The following SNX25 variants were observed in gnomAD, a reference collection of about 807,000 sequenced individuals.
SNX25 encodes sorting nexin 25.
In SNX25, 62 loss-of-function variants were observed where a neutral mutation model predicts 113.7. That is an observed-to-expected ratio of 0.55 (90% CI 0.44 to 0.67). The LOEUF is 0.67. Ranked by LOEUF, SNX25 falls within the 30% of genes least tolerant of loss-of-function variation. SNX25 has a pLI of 0.00. For synonymous variants in SNX25, 421 were observed against 436.2 expected (o/e 0.97, Z 0.43); for missense variants, 1,014 against 1,161.0 (o/e 0.87, Z 1.84).
rs947331420 is a variant in SNX25 at position 185,310,556 on chromosome 4, A to G, written c.1163-79A>G. ...ACTTGGTTCAGAATGCCCACAGCAG[A>G]CACTGATCTGGTTCTGAATTGCTGT... On this transcript the variant is annotated intron_variant, in intron 6 of 18. Transcript: ENST00000652585. The G allele has an allele frequency of 5.2e-6, 7 of 1,335,644 alleles. No individual in the cohort carries two copies. The Admixed American group carries it at 6.7e-5, about 13-fold the overall frequency. 82.7% of individuals were successfully genotyped at this position (1,335,644 alleles called of 1,614,324 possible).
chr4:185,369,367 A>G (rs2095406755), intron 11 of SNX25, among the ~76,000 whole-genome samples: 1 of 140,236 alleles, frequency 7.1e-6, no homozygotes, highest in Non-Finnish European at 1.5e-5. Flanking sequence ...ACAGGCACAC[A>G]TTGCCATGCC....
intron 17 of SNX25, chr4:185,362,323 T>G (rs2095368763): frequency 2.0e-6 from 2 of 985,288 alleles, no homozygotes; most frequent in African/African-American, 3.5e-5. Flanking sequence ...ACTTTGTGTT[T>G]TGGAAATCCT....
rs532542519 is a variant in SNX25 at position 185,214,230 on chromosome 4, A to G, written c.429+3975A>G. Reference sequence around the variant, plus strand: ...TTAAAAAATAAATAGGCAGTTGCCAATGAGGATTGGAGGGCTGATACAAGA... The same window carrying G: ...TTAAAAAATAAATAGGCAGTTGCCAGTGAGGATTGGAGGGCTGATACAAGA... On this transcript the variant is annotated intron_variant, in intron 1 of 18. Transcript: ENST00000652585. Among the ~76,000 whole-genome samples, 273 of 152,144 alleles carry G rather than the reference A, an allele frequency of 1.8e-3. 3 individuals carry two copies. Among genetic ancestry groups the G allele is most frequent in the Admixed American group, 2.8e-3 (43 of 15,272 alleles).
chr4:185,274,987 G>A (rs1436172103), intron 5 of SNX25, among the ~76,000 whole-genome samples: 2 of 152,106 alleles, frequency 1.3e-5, no homozygotes, highest in South Asian at 2.1e-4. Context: ...TAACTTTTGG[G>A]GGTTTTCTTC....
chr4:185,275,167 AT>A (rs2126572729), intron 5 of SNX25, among the ~76,000 whole-genome samples: 1 of 152,268 alleles, frequency 6.6e-6, no homozygotes, highest in Non-Finnish European at 1.5e-5. Context: ...TACTGCCATA[AT>A]TTTATTTACC....
At chr4:185,208,350 G>C (rs960670666), upstream of SNX25, among the ~76,000 whole-genome samples, 6 of 152,118 alleles carry the variant, frequency 3.9e-5, no homozygotes, top group Non-Finnish European at 8.8e-5. Context: ...AAGGAAACTG[G>C]TAACTTATTT....
intron 6 of SNX25, among the ~76,000 whole-genome samples, chr4:185,301,026 A>T (rs1753605450): frequency 6.6e-6 from 1 of 152,118 alleles, no homozygotes; most frequent in African/African-American, 2.4e-5. Context: ...CACCTGCCCA[A>T]GGCAGGACTG....
rs572480487 is a variant in SNX25, at chr4:185,210,435, GCGGGCTCCGGGCTC to G, written c.429+190_429+203del. The stretch of plus-strand genomic sequence containing the variant: ...GAGCGTTCCCCGGCGCCCGCGCGCG[GCGGGCTCCGGGCTC>G]CGGGCTCCGCGCTCCGCGGTGCTGG... On this transcript the variant is annotated intron_variant, in intron 1 of 18. Coordinates refer to ENST00000652585, the MANE Select transcript of SNX25 (RefSeq NM_001378034.2). This position sits in a 1 kb window ranked among gnomAD's most constrained non-coding sequence, Gnocchi z 4.4. 7.3e-6 allele frequency among the ~76,000 whole-genome samples: 1 copy of G among 137,808 alleles called. No individual in the cohort carries two copies. Among genetic ancestry groups the G allele is most frequent in the East Asian group, 2.0e-4 (1 of 5,098 alleles). The allele number at this position is 137,808 out of a possible 152,430, so 90.4% of individuals were successfully genotyped here. A position where few individuals can be genotyped will look rare whatever the true frequency, so the allele number is the denominator to read the frequency against.
chr4:185,370,530 C>T, downstream of SNX25: 1 of 1,104,732 alleles, frequency 9.1e-7, no homozygotes, highest in Non-Finnish European at 1.3e-6. Context: ...CAGAGGTTAT[C>T]TGCACAGTAA....
At chr4:185,375,487 A>AAAAAAAAATAT in the SNX25 span, 2 of 12,012 alleles carry the variant, frequency 1.7e-4, no homozygotes, top group Non-Finnish European at 2.9e-4. Flanking sequence ...AAAAAAAAAA[A>AAAAAAAAATAT]ATATATATAT....
intron 9 of SNX25, among the ~76,000 whole-genome samples, chr4:185,328,435 A>G (rs1215860072): frequency 6.6e-6 from 1 of 152,162 alleles, no homozygotes; most frequent in Non-Finnish European, 1.5e-5. Flanking sequence ...TACGTGCACC[A>G]AGAGTGGCAA....
chr4:185,257,060 A>G (rs925051015), intron 2 of SNX25, among the ~76,000 whole-genome samples: 3 of 152,046 alleles, frequency 2.0e-5, no homozygotes, highest in Non-Finnish European at 4.4e-5. Flanking sequence ...GATCTGGTTC[A>G]CGTAGGATTC....
chr4:185,266,593 C>G (rs1439145776), intron 4 of SNX25, among the ~76,000 whole-genome samples: 1 of 152,130 alleles, frequency 6.6e-6, no homozygotes, highest in African/African-American at 2.4e-5. Flanking sequence ...AACTCCTGAC[C>G]TCAAGTGATC....
intron 1 of SNX25, among the ~76,000 whole-genome samples, chr4:185,217,806 A>G (rs577660095): frequency 1.3e-5 from 2 of 152,370 alleles, no homozygotes; most frequent in Non-Finnish European, 1.5e-5. Context: ...TTCAGGACAC[A>G]GAAAATGCAC....
upstream of SNX25, among the ~76,000 whole-genome samples, chr4:185,206,714 A>G (rs1485202405): frequency 6.6e-6 from 1 of 151,910 alleles, no homozygotes; most frequent in African/African-American, 2.4e-5. Context: ...TGGTTCAGAA[A>G]GACAGAACCA....
chr4:185,224,510 GATATATAAATATATATAC>G (rs1740601835), intron 1 of SNX25, among the ~76,000 whole-genome samples: 1 of 112,158 alleles, frequency 8.9e-6, no homozygotes, highest in African/African-American at 3.0e-5. Context: ...TAAATATATA[GATATATAAATATATATAC>G]ATATATATAA....
chr4:185,346,728 G>A (rs987353354), intron 13 of SNX25, 78 bp downstream of exon 13: 1 of 941,746 alleles, frequency 1.1e-6, no homozygotes, highest in African/African-American at 1.7e-5. Flanking sequence ...CTACGAGCTT[G>A]GTAGTTTGCT....
intron 1 of SNX25, among the ~76,000 whole-genome samples, chr4:185,246,908 A>G (rs1211288884): frequency 6.6e-6 from 1 of 152,156 alleles, no homozygotes; most frequent in Non-Finnish European, 1.5e-5. Flanking sequence ...TTTTATTCCC[A>G]TGTGAATATC....
chr4:185,285,485 A>G (rs1047543755), intron 5 of SNX25, among the ~76,000 whole-genome samples: 1 of 152,128 alleles, frequency 6.6e-6, no homozygotes, highest in African/African-American at 2.4e-5. Context: ...TTGGGTTTTC[A>G]TTTTGATTTT....
Sources: gnomAD v4.1 joint callset for allele counts (sites outside exome capture counted in the v4.1 genomes callset) on GRCh38, gnomAD v4.1.1 for gene constraint, Gnocchi (gnomAD v3.1) non-coding constraint, MANE v1.5 for transcripts, NCBI Gene and HGNC (gene_info 2026-07-23, HGNC 2026-07-21) for gene names.